Variants in ABLIM1 observed in about 807,000 individuals in gnomAD.
ABLIM1 encodes actin binding LIM protein 1, also known as actin-binding LIM protein 1.
Under a neutral mutation model 107.0 loss-of-function variants are expected in ABLIM1, and 40 were observed. The ratio of observed to expected loss-of-function variants is 0.37; its 90% CI spans 0.29 to 0.49. The LOEUF (loss-of-function observed/expected upper bound fraction) is 0.49. Among genes scored for constraint, ABLIM1 ranks in the 20% least tolerant of loss-of-function variants. ABLIM1 has a pLI of 0.97. For synonymous variants in ABLIM1, 357 were observed against 357.3 expected (o/e 1.00, Z 0.01); for missense variants, 857 against 1,008.5 (o/e 0.85, Z 2.04).
intron 2 of ABLIM1, among the ~76,000 whole-genome samples, chr10:114,587,782 C>A (rs2074357692): frequency 6.6e-6 from 1 of 152,100 alleles, no homozygotes; most frequent in African/African-American, 2.4e-5. Context: ...ATGTTCAAAT[C>A]TTGTTTCCTG....
chr10:114,441,803 T>TA lies in ABLIM1; in HGVS notation c.1934-18dup. The TA allele has an allele frequency of 6.2e-7, 1 of 1,606,330 alleles. No individual in the cohort carries two copies. Among genetic ancestry groups the TA allele is most frequent in the Non-Finnish European group, 8.5e-7 (1 of 1,173,066 alleles). ...TATGTGAAGCTGAGTAAGAAAAAAG[T>TA]AAAAAACCAATTGTTAGGAAATCAG... On this transcript the variant is annotated splice_polypyrimidine_tract_variant and intron_variant, in intron 17 of 22. Transcript: ENST00000533213.
intron 1 of ABLIM1, among the ~76,000 whole-genome samples, chr10:114,646,029 C>T (rs527968562): frequency 5.9e-5 from 9 of 152,280 alleles, no homozygotes; most frequent in African/African-American, 1.7e-4. Flanking sequence ...GCTGTACATT[C>T]GAAAGAGATA....
At chr10:114,768,926 C>T (rs1415535993), upstream of ABLIM1, among the ~76,000 whole-genome samples, 1 of 151,980 alleles carries the variant, frequency 6.6e-6, no homozygotes, top group Non-Finnish European at 1.5e-5. Flanking sequence ...TATCAACTAG[C>T]GCTTGATGCT....
chr10:114,521,763 G>A (rs1307888812), intron 6 of ABLIM1, among the ~76,000 whole-genome samples: 1 of 151,756 alleles, frequency 6.6e-6, no homozygotes, highest in Admixed American at 6.6e-5. Flanking sequence ...TCTATCAGAT[G>A]ATGTTTTAGT....
intron 2 of ABLIM1, among the ~76,000 whole-genome samples, chr10:114,579,066 C>T (rs1366313208): frequency 2.0e-5 from 3 of 152,166 alleles, no homozygotes; most frequent in Non-Finnish European, 2.9e-5. Flanking sequence ...TTATTACAGA[C>T]GTGAGACACT....
intron 8 of ABLIM1, among the ~76,000 whole-genome samples, chr10:114,479,341 A>T (rs1355227713): frequency 6.6e-6 from 1 of 152,202 alleles, no homozygotes; most frequent in African/African-American, 2.4e-5. Context: ...GCTACACAGA[A>T]CTGGGCTTCC....
At chr10:114,608,884 A>G (rs1273648293) in intron 1 of ABLIM1, among the ~76,000 whole-genome samples, 1 of 147,108 alleles carries the variant, frequency 6.8e-6, no homozygotes, top group Non-Finnish European at 1.5e-5. Flanking sequence ...GTGTGGTGGC[A>G]GGTGCCTGTT....
At chr10:114,452,721 T>C (rs777723525) in intron 13 of ABLIM1, among the ~76,000 whole-genome samples, 1 of 152,216 alleles carries the variant, frequency 6.6e-6, no homozygotes, top group African/African-American at 2.4e-5. Flanking sequence ...CATTAAGATA[T>C]TATATTAATG....
In ABLIM1 at chr10:114,436,244, C is replaced by T; in HGVS notation, c.*16G>A. On this transcript the variant is annotated 3_prime_UTR_variant, in exon 23 of 23. Coordinates refer to ENST00000533213, the MANE Select transcript of ABLIM1 (RefSeq NM_002313.7). ...CACTGTCAGTCCTTTCTCTAATTGC[C>T]ATTCACGAGTGGGACTTAGAAGAGT... The T allele has an allele frequency of 6.3e-7, 1 of 1,595,102 alleles. No homozygotes were observed.
the ABLIM1 span, among the ~76,000 whole-genome samples, chr10:114,790,594 G>GT: frequency 6.6e-6 from 1 of 152,170 alleles, no homozygotes; most frequent in South Asian, 2.1e-4. Flanking sequence ...ATTAACCTAG[G>GT]TGTGGACCCT....
rs1163063095 is a variant in ABLIM1 at position 114,705,231 on chromosome 10, C to T, written c.-213+62830G>A. Among the ~76,000 whole-genome samples the T allele has an allele frequency of 5.3e-5, 8 of 151,990 alleles. No individual in the cohort carries two copies. The South Asian group carries it at 8.3e-4, about 16-fold the overall frequency. On this transcript the variant is annotated intron_variant, in intron 1 of 15. Coordinates refer to the ABLIM1 transcript ENST00000651092. ...TTTAAATGCTAAAACACAAGAAGTA[C>T]GAAGAATTCTGACTTGACTAGAACC...
chr10:114,571,586 C>T (rs1335907731), intron 3 of ABLIM1, among the ~76,000 whole-genome samples, 180 bp from the exon 4 acceptor site: 1 of 152,034 alleles, frequency 6.6e-6, no homozygotes, highest in South Asian at 2.1e-4. Context: ...AATAAATGTG[C>T]CTCATTTTGA....
At chr10:114,492,259 AC>A (rs1165136080) in intron 6 of ABLIM1, among the ~76,000 whole-genome samples, 1 of 151,580 alleles carries the variant, frequency 6.6e-6, no homozygotes, top group Non-Finnish European at 1.5e-5. Context: ...AAAATAAATG[AC>A]CCTTATATTT....
intron 2 of ABLIM1, among the ~76,000 whole-genome samples, chr10:114,590,364 T>G (rs1419816886): frequency 6.6e-6 from 1 of 152,066 alleles, no homozygotes; most frequent in Non-Finnish European, 1.5e-5. Context: ...AGACTGGAGG[T>G]GAGAGGTCAG....
intron 1 of ABLIM1, chr10:114,690,659 C>A: frequency 1.7e-6 from 1 of 592,158 alleles, no homozygotes; most frequent in South Asian, 2.4e-5. Flanking sequence ...CTACAGGGCT[C>A]CTGGTGGCGG....
chr10:114,613,686 T>C, intron 1 of ABLIM1: 2 of 1,325,932 alleles, frequency 1.5e-6, no homozygotes, highest in Non-Finnish European at 2.0e-6. Context: ...GCACACCCAC[T>C]GGGAGATGAA....
chr10:114,763,370 T>A (rs958004469), intron 1 of ABLIM1, among the ~76,000 whole-genome samples: 1 of 151,338 alleles, frequency 6.6e-6, no homozygotes, highest in Non-Finnish European at 1.5e-5. Flanking sequence ...TATATAGGTA[T>A]GTTAACATAG....
intron 16 of ABLIM1, among the ~76,000 whole-genome samples, chr10:114,444,402 A>C (rs2060712429): frequency 6.6e-6 from 1 of 152,146 alleles, no homozygotes; most frequent in Non-Finnish European, 1.5e-5. Flanking sequence ...TGCTTTCCCT[A>C]AAGAGCCAGG....
intron 14 of ABLIM1, chr10:114,450,125 T>C (rs1022882321): frequency 2.7e-5 from 11 of 403,580 alleles, no homozygotes; most frequent in Non-Finnish European, 5.5e-5. Flanking sequence ...AAAGGATGAC[T>C]TCAAACAGTA....
Sources: gnomAD v4.1 joint callset for allele counts (sites outside exome capture counted in the v4.1 genomes callset) on GRCh38, gnomAD v4.1.1 for gene constraint, MANE v1.5 for transcripts, NCBI Gene and HGNC (gene_info 2026-07-23, HGNC 2026-07-21) for gene names.